The following EHMT1 variants were observed in gnomAD, a reference collection of about 807,000 sequenced individuals.
EHMT1 encodes histone-lysine N-methyltransferase EHMT1.
EHMT1 carries 15 observed loss-of-function variants against 147.2 expected under a neutral mutation model. The observed-to-expected ratio is 0.10, with a 90% confidence interval of 0.07 to 0.16. EHMT1 has a LOEUF of 0.16. EHMT1 is among the 10% of genes least tolerant of loss of function. The probability of loss-of-function intolerance (pLI) is 1.00; values close to 1 mark genes in which losing one functional copy is unlikely to be tolerated. For missense variants in EHMT1, 1,587 were observed against 1,772.4 expected (o/e 0.90, Z 1.88); for synonymous variants, 795 against 709.6 (o/e 1.12, Z -1.91).
intron 18 of EHMT1, among the ~76,000 whole-genome samples, chr9:137,809,079 G>C (rs965007806): frequency 6.6e-6 from 1 of 152,154 alleles, no homozygotes; most frequent in African/African-American, 2.4e-5. Flanking sequence ...AGGGGTGGAG[G>C]AGCCCAAGAG....
At chr9:137,760,012 C>T (rs1387597013) in intron 9 of EHMT1, among the ~76,000 whole-genome samples, 2 of 152,314 alleles carry the variant, frequency 1.3e-5, no homozygotes, top group South Asian at 2.1e-4. Context: ...TCTCTTTCCC[C>T]GTTGCCTTGC....
At position 137,813,300 on chromosome 9, in the gene EHMT1, G is replaced by A; in HGVS notation, c.3036-86G>A. The A allele has an allele frequency of 6.4e-7, 1 of 1,558,958 alleles. No homozygotes were observed. The highest frequency in any genetic ancestry group is 1.4e-5 in the African/African-American group (1 of 73,874). On this transcript the variant is annotated intron_variant, in intron 20 of 26. Coordinates refer to ENST00000460843, the MANE Select transcript of EHMT1 (RefSeq NM_024757.5). This position sits in a 1 kb window ranked among gnomAD's most constrained non-coding sequence, Gnocchi z 4.9. ...GCAGTCCAAATTGTCAGGGCCAGGT[G>A]TTTGCCAGCCGCCCCACTGCACGCT... is the stretch of plus-strand genomic sequence containing the variant.
chr9:137,669,723 CTCT>C lies in EHMT1; in HGVS notation c.22-41242_22-41240del, dbSNP rs1343600223. The stretch of plus-strand genomic sequence containing the variant: ...AAAAAAAGCTTTGCTTTTGTTTTTT[CTCT>C]TTTTTTAAAAAAAAATTAATCTCCT... On this transcript the variant is annotated intron_variant, in intron 1 of 26. Coordinates refer to ENST00000460843, the MANE Select transcript of EHMT1 (RefSeq NM_024757.5). Among the ~76,000 whole-genome samples, 6 of 151,678 alleles carry C rather than the reference CTCT, an allele frequency of 4.0e-5. No homozygotes were observed. In the East Asian group the frequency reaches 1.2e-3, roughly 30 times the overall value.
intron 1 of EHMT1, among the ~76,000 whole-genome samples, chr9:137,627,822 C>A (rs1344586533): frequency 6.9e-6 from 1 of 145,724 alleles, no homozygotes; most frequent in African/African-American, 2.5e-5. Context: ...TGCCTCATTA[C>A]CCCCCCACCC....
rs1954739515 is a variant in EHMT1, at chr9:137,814,169, C to G, written c.3181-262C>G. On this transcript the variant is annotated intron_variant, in intron 21 of 26. Transcript: ENST00000460843. The stretch of plus-strand genomic sequence containing the variant: ...GCCGCCGCCCAGCCCTTCACCCACC[C>G]CACGTCACCCACTGCCGCGTCGCTG... 3 of 572,048 alleles carry G rather than the reference C, an allele frequency of 5.2e-6. No homozygotes were observed. In the South Asian group the frequency reaches 5.7e-5, roughly 11 times the overall value. The allele number at this position is 572,048 out of a possible 1,614,324, so 35.4% of individuals were successfully genotyped here. A position where few individuals can be genotyped will look rare whatever the true frequency, so the allele number is the denominator to read the frequency against.
intron 1 of EHMT1, among the ~76,000 whole-genome samples, chr9:137,689,936 C>T (rs770367849): frequency 2.6e-5 from 4 of 152,096 alleles, no homozygotes; most frequent in African/African-American, 4.8e-5. Flanking sequence ...GAGATGAGGC[C>T]GAGGAACTCT....
chr9:137,734,137 C>G (rs898599936), intron 4 of EHMT1, among the ~76,000 whole-genome samples: 6 of 152,250 alleles, frequency 3.9e-5, no homozygotes, highest in Middle Eastern at 3.4e-3. Flanking sequence ...AAAAATAAGT[C>G]AACAGAAACT....
At chr9:137,665,277 T>C (rs1391190670) in intron 1 of EHMT1, among the ~76,000 whole-genome samples, 1 of 152,204 alleles carries the variant, frequency 6.6e-6, no homozygotes, top group African/African-American at 2.4e-5. Flanking sequence ...AGAGCTGGCA[T>C]AGGTGTATAA....
chr9:137,735,394 A>T (rs2135911552), intron 4 of EHMT1, among the ~76,000 whole-genome samples: 1 of 152,344 alleles, frequency 6.6e-6, no homozygotes, highest in Admixed American at 6.5e-5. Context: ...TAGCTATAGA[A>T]CATACACAAA....
chr9:137,742,021 C>T (rs1948128870), intron 4 of EHMT1, among the ~76,000 whole-genome samples: 1 of 152,208 alleles, frequency 6.6e-6, no homozygotes, highest in Admixed American at 6.5e-5. Flanking sequence ...CCATGCTGGC[C>T]TGTCAGCCTG....
Position 137,710,958 on chromosome 9 carries a change from C to T in EHMT1, c.22-9C>T, listed in dbSNP as rs1944652480. The T allele has an allele frequency of 3.8e-6, 6 of 1,594,016 alleles. No homozygotes were observed. The highest frequency in any genetic ancestry group is 5.1e-6 in the Non-Finnish European group (6 of 1,170,972). On this transcript the variant is annotated splice_polypyrimidine_tract_variant and intron_variant, in intron 1 of 26. Transcript: ENST00000460843. ...AACCCGGCTGACGGCTGTTGTTTCT[C>T]TCTAACAGGCAGTTCCGGCGAGGGG...
chr9:137,729,833 A>G (rs1946950827), intron 4 of EHMT1, among the ~76,000 whole-genome samples: 1 of 152,214 alleles, frequency 6.6e-6, no homozygotes, highest in Admixed American at 6.5e-5. Flanking sequence ...ACATTCTCTT[A>G]GATGACTACA....
chr9:137,834,166 C>A (rs1270471317), intron 25 of EHMT1, 183 bp from the exon 26 acceptor site: 2 of 764,010 alleles, frequency 2.6e-6, no homozygotes, highest in Non-Finnish European at 4.2e-6. Context: ...GGTGGCCACA[C>A]AGCGAGGAGA....
At position 137,800,992 on chromosome 9, in the gene EHMT1, C is replaced by G; in HGVS notation, c.2712+8C>G. 1 of 1,613,452 alleles carries G rather than the reference C, an allele frequency of 6.2e-7. No individual in the cohort carries two copies. The highest frequency in any genetic ancestry group is 2.2e-5 in the East Asian group (1 of 44,878). On this transcript the variant is annotated splice_region_variant and intron_variant, in intron 18 of 26. Transcript: ENST00000460843. ...ATCAACATCCGAGACAACGTAAGTT[C>G]GTCACACCCTCCCCGGGAGCCGTGT...
At chr9:137,717,508 T>C (rs1353780145) in intron 3 of EHMT1, among the ~76,000 whole-genome samples, 4 of 145,666 alleles carry the variant, frequency 2.7e-5, no homozygotes, top group African/African-American at 1.0e-4. Context: ...TACTCAGGAG[T>C]GTGAGGTGGG....
At chr9:137,757,799 C>T (rs1949492257) in intron 8 of EHMT1, 81 bp from the exon 9 acceptor site, 3 of 1,605,244 alleles carry the variant, frequency 1.9e-6, no homozygotes, top group Non-Finnish European at 8.5e-7. Context: ...TCCTGGGGCC[C>T]CAGCCTTGCT....
chr9:137,649,491 A>AAACAAAC (rs1564539854), intron 1 of EHMT1, among the ~76,000 whole-genome samples: 1 of 143,206 alleles, frequency 7.0e-6, no homozygotes, highest in South Asian at 2.3e-4. Context: ...AACAAACAAA[A>AAACAAAC]ATGTCCTCCC....
In EHMT1 at chr9:137,813,643, G is replaced by A. The variant is rs1335376938; in HGVS notation, c.3180+113G>A. ...CTCAGAGCAGGAGGGCTTATGGGGG[G>A]CTTCCCAGGAAGACCTCATTCTCTT... On this transcript the variant is annotated intron_variant, in intron 21 of 26. Transcript: ENST00000460843. This position sits in a 1 kb window ranked among gnomAD's most constrained non-coding sequence, Gnocchi z 4.9. 22 of 1,460,088 alleles carry A rather than the reference G, an allele frequency of 1.5e-5. No homozygotes were observed. In the East Asian group the frequency reaches 5.2e-4, roughly 35 times the overall value. 90.4% of individuals were successfully genotyped at this position (1,460,088 alleles called of 1,614,324 possible).
At position 137,813,099 on chromosome 9, in the gene EHMT1, C is replaced by T. The variant is rs781254508; in HGVS notation, c.2961C>T (p.Ser987=). 1.1e-5 allele frequency: 18 copies of T among 1,613,392 alleles called. No individual in the cohort carries two copies. The highest frequency in any genetic ancestry group is 3.3e-5 in the South Asian group (3 of 91,084). Reference sequence around the variant, plus strand: ...CGAGCCTCAACTCTCAGGTGTGGAGCGCTCTGCAGATGAGCAAGGCTCTGC... The same window carrying T: ...CGAGCCTCAACTCTCAGGTGTGGAGTGCTCTGCAGATGAGCAAGGCTCTGC... ...QCASLNSQVW[S]ALQMSKALQD... Residue 987 remains serine (S), a synonymous_variant, in exon 20 of 27, where the codon AGC becomes AGT. Coordinates refer to ENST00000460843, the MANE Select transcript of EHMT1 (RefSeq NM_024757.5). The surrounding 1 kb of genome is among the most constrained non-coding windows in gnomAD (Gnocchi z 4.9).
Sources: allele counts gnomAD v4.1 joint callset (sites outside exome capture counted in the v4.1 genomes callset), GRCh38; gene constraint gnomAD v4.1.1; non-coding constraint Gnocchi (gnomAD v3.1); transcripts MANE v1.5; gene names NCBI Gene and HGNC (gene_info 2026-07-23, HGNC 2026-07-21).